Variants in DNAI7 observed in about 807,000 individuals in gnomAD.
The protein encoded by DNAI7 is cancer susceptibility 1.
In DNAI7, 78 loss-of-function variants were observed where a neutral mutation model predicts 86.6. The ratio of observed to expected loss-of-function variants is 0.90; its 90% CI spans 0.75 to 1.09. The LOEUF is 1.09. Among genes scored for constraint, DNAI7 ranks in the 50% least tolerant of loss-of-function variants. DNAI7 has a pLI of 0.00. For synonymous variants in DNAI7, 274 were observed against 273.0 expected (o/e 1.00, Z -0.04); for missense variants, 753 against 810.2 (o/e 0.93, Z 0.86).
At position 25,159,966 on chromosome 12, in the gene DNAI7, A is replaced by T. The variant is rs192368877; in HGVS notation, c.106+1147T>A. 2.0e-3 allele frequency among the ~76,000 whole-genome samples: 300 copies of T among 152,242 alleles called. 2 individuals carry two copies. The highest frequency in any genetic ancestry group is 6.2e-4 in the Non-Finnish European group (42 of 68,002). Reference sequence around the variant, plus strand: ...TTTAACAAATAAAATTAGTATTTTAAATTTGGCAAATAAATATTATAAAAC... The same window carrying T: ...TTTAACAAATAAAATTAGTATTTTATATTTGGCAAATAAATATTATAAAAC... On this transcript the variant is annotated intron_variant, in intron 3 of 15. Transcript: ENST00000395987.
intron 9 of DNAI7, among the ~76,000 whole-genome samples, chr12:25,124,359 C>CAA (rs369197184): frequency 1.4e-4 from 21 of 148,770 alleles, no homozygotes; most frequent in African/African-American, 4.7e-4. Flanking sequence ...TTTATTCATT[C>CAA]AAAAAAAAAA....
chr12:25,112,516 C>T (rs1429216585), intron 13 of DNAI7, among the ~76,000 whole-genome samples: 1 of 148,288 alleles, frequency 6.7e-6, no homozygotes, highest in East Asian at 2.0e-4. Flanking sequence ...ACACCATTCT[C>T]CTGCTTCAGC....
At chr12:25,167,516 C>G (rs1947622173) in intron 2 of DNAI7, among the ~76,000 whole-genome samples, 1 of 152,170 alleles carries the variant, frequency 6.6e-6, no homozygotes, top group Non-Finnish European at 1.5e-5. Flanking sequence ...GCTATCTCCA[C>G]CATACTATCA....
intron 14 of DNAI7, among the ~76,000 whole-genome samples, chr12:25,111,193 T>C (rs1304365559): frequency 6.6e-6 from 1 of 152,228 alleles, no homozygotes; most frequent in Non-Finnish European, 1.5e-5. Context: ...CACAAATGTT[T>C]ACTAAGCATC....
At chr12:25,182,942 G>T (rs1429189057) in intron 2 of DNAI7, among the ~76,000 whole-genome samples, 1 of 147,342 alleles carries the variant, frequency 6.8e-6, no homozygotes, top group Non-Finnish European at 1.5e-5. Flanking sequence ...GGAATGAAAG[G>T]AAGGGAGGAA....
At position 25,158,557 on chromosome 12, in the gene DNAI7, G is replaced by C. The variant is rs1467876574; in HGVS notation, c.113C>G (p.Ala38Gly). 6.2e-7 allele frequency: 1 copy of C among 1,610,952 alleles called. No homozygotes were observed. The highest frequency in any genetic ancestry group is 8.5e-7 in the Non-Finnish European group (1 of 1,178,790). The part of the protein sequence containing the change: ...EERRLKEEEE[A>G]RLKYEKEEME... ...TTCTTCTTTCTCATATTTCAAACGG[G>C]CTTCCTCTAAAGAACCAAAAATAAT... is the stretch of plus-strand genomic sequence containing the variant. The change falls in exon 4 of 16, where the codon GCC becomes GGC. Residue 38 changes from alanine to glycine, a missense_variant. Ala to Gly is a moderately conservative substitution (Grantham distance 60). Coordinates refer to ENST00000395987, the MANE Select transcript of DNAI7 (RefSeq NM_018272.5).
At chr12:25,116,617 G>A (rs147389543) in intron 12 of DNAI7, among the ~76,000 whole-genome samples, 103 of 151,884 alleles carry the variant, frequency 6.8e-4, no homozygotes, top group Middle Eastern at 6.8e-3. Context: ...TTCCTGCCTC[G>A]GCCTCCTGAA....
In DNAI7 at chr12:25,160,568, A is replaced by G. The variant is rs142653176; in HGVS notation, c.106+545T>C. On this transcript the variant is annotated intron_variant, in intron 3 of 15. Coordinates refer to ENST00000395987, the MANE Select transcript of DNAI7 (RefSeq NM_018272.5). ...TAAATTAGCCAATCGGAATTAGTTT[A>G]TCCTGTGTGGTCTAACCCTAGCCAA... 3.5e-3 allele frequency among the ~76,000 whole-genome samples: 534 copies of G among 152,268 alleles called. 4 individuals are homozygous for G. Among genetic ancestry groups the G allele is most frequent in the African/African-American group, 0.012 (513 of 41,552 alleles).
chr12:25,153,658 C>CT (rs1945822872), intron 6 of DNAI7, among the ~76,000 whole-genome samples: 1 of 152,162 alleles, frequency 6.6e-6, no homozygotes, highest in Non-Finnish European at 1.5e-5. Flanking sequence ...AATGCTAAGC[C>CT]ATAGCAGTTA....
chr12:25,121,977 A>C lies in DNAI7; in HGVS notation c.1079-64T>G, dbSNP rs548515606. The C allele has an allele frequency of 1.1e-5, 13 of 1,180,384 alleles. No individual in the cohort carries two copies. The South Asian group carries it at 2.2e-4, about 20-fold the overall frequency. The allele number at this position is 1,180,384 out of a possible 1,614,324, so 73.1% of individuals were successfully genotyped here. On this transcript the variant is annotated intron_variant, in intron 10 of 15. Transcript: ENST00000395987. ...AGTTTAGTATGTTCTTAGGAAAGAA[A>C]TTTAAAAATTCTCATACTGGTAAAG...
chr12:25,173,448 A>T (rs567545545), intron 2 of DNAI7, among the ~76,000 whole-genome samples: 497 of 152,246 alleles, frequency 3.3e-3, no homozygotes, highest in Admixed American at 5.8e-3. Flanking sequence ...ATAAAAAGAA[A>T]CACTAAATGT....
chr12:25,126,313 G>A (rs995672592), intron 9 of DNAI7, among the ~76,000 whole-genome samples: 1 of 152,128 alleles, frequency 6.6e-6, no homozygotes, highest in African/African-American at 2.4e-5. Flanking sequence ...GGGTAAAGGA[G>A]AGCTCATAAA....
At chr12:25,112,453 C>T (rs1052469847) in intron 13 of DNAI7, among the ~76,000 whole-genome samples, 1 of 127,406 alleles carries the variant, frequency 7.8e-6, no homozygotes, top group Non-Finnish European at 1.5e-5. Context: ...GTCGCCCAGG[C>T]TGGAGTGCAG....
At chr12:25,155,656 A>G (rs2140972817) in intron 4 of DNAI7, among the ~76,000 whole-genome samples, 1 of 152,334 alleles carries the variant, frequency 6.6e-6, no homozygotes, top group South Asian at 2.1e-4. Flanking sequence ...CTATTTCCAT[A>G]ATAATACTAA....
intron 9 of DNAI7, among the ~76,000 whole-genome samples, chr12:25,131,704 G>A (rs1346828275): frequency 6.6e-6 from 1 of 152,180 alleles, no homozygotes; most frequent in East Asian, 1.9e-4. Context: ...ACTTTGAGGA[G>A]CATAGTGGTT....
chr12:25,160,797 T>A (rs941086315), intron 3 of DNAI7, among the ~76,000 whole-genome samples: 1 of 149,822 alleles, frequency 6.7e-6, no homozygotes, highest in Non-Finnish European at 1.5e-5. Context: ...TTTAAAACAA[T>A]TTTTTTTTTA....
intron 2 of DNAI7, among the ~76,000 whole-genome samples, chr12:25,169,546 C>T (rs1947892983): frequency 6.6e-6 from 1 of 152,116 alleles, no homozygotes; most frequent in African/African-American, 2.4e-5. Context: ...GGCCTAAATG[C>T]TCCACTTAAA....
At chr12:25,163,483 G>A (rs978052683) in intron 2 of DNAI7, among the ~76,000 whole-genome samples, 6 of 152,002 alleles carry the variant, frequency 3.9e-5, no homozygotes, top group Admixed American at 3.3e-4. Flanking sequence ...CTTTACCTAC[G>A]CAAATCTTAT....
intron 14 of DNAI7, among the ~76,000 whole-genome samples, chr12:25,111,143 C>T (rs2140335624): frequency 6.6e-6 from 1 of 152,274 alleles, no homozygotes; most frequent in South Asian, 2.1e-4. Flanking sequence ...CCTACAAATT[C>T]ACTTTTCATG....
Sources: allele counts gnomAD v4.1 joint callset (sites outside exome capture counted in the v4.1 genomes callset), GRCh38; gene constraint gnomAD v4.1.1; transcripts MANE v1.5; gene names NCBI Gene and HGNC (gene_info 2026-07-23, HGNC 2026-07-21).